Variants in ZNF609 observed in about 807,000 individuals in gnomAD.
ZNF609 encodes zinc finger protein 609.
Under a neutral mutation model 109.5 loss-of-function variants are expected in ZNF609, and 11 were observed. The observed-to-expected ratio is 0.10, with a 90% confidence interval of 0.06 to 0.17. The LOEUF is 0.17. ZNF609 is among the 10% of genes least tolerant of loss of function. ZNF609 has a pLI of 1.00. For missense variants in ZNF609, 1,559 were observed against 1,772.4 expected (o/e 0.88, Z 2.16); for synonymous variants, 646 against 662.0 (o/e 0.98, Z 0.37).
chr15:64,539,907 G>C (rs1198378805), intron 2 of ZNF609, among the ~76,000 whole-genome samples: 1 of 152,182 alleles, frequency 6.6e-6, no homozygotes, highest in Non-Finnish European at 1.5e-5. Context: ...AAAGTGCTGG[G>C]ATTACGGGCC....
intron 3 of ZNF609, among the ~76,000 whole-genome samples, chr15:64,656,156 C>A (rs1461206472): frequency 6.6e-6 from 1 of 152,064 alleles, no homozygotes; most frequent in Non-Finnish European, 1.5e-5. Context: ...CTCCGCCTCC[C>A]GTGTTCAGGC....
At chr15:64,576,891 AATATATACATATATATGT>A (rs1371981102) in intron 2 of ZNF609, among the ~76,000 whole-genome samples, 3 of 140,980 alleles carry the variant, frequency 2.1e-5, no homozygotes, top group Non-Finnish European at 3.1e-5. Context: ...TACACATATA[AATATATACATATATATGT>A]ATATATACAT....
chr15:64,677,835 T>G (rs1896828347), intron 5 of ZNF609, among the ~76,000 whole-genome samples: 1 of 152,176 alleles, frequency 6.6e-6, no homozygotes, highest in Non-Finnish European at 1.5e-5. Flanking sequence ...AGAATGCTTG[T>G]TCTTACCTAG....
In ZNF609 at chr15:64,685,609, C is replaced by G. The variant is rs1385772536; in HGVS notation, c.*3923C>G. ...ACTCTGGGACCTGTTTCCTGGAGGC[C>G]CTGGCTTGGGACACTCACCTGTGAA... On this transcript the variant is annotated 3_prime_UTR_variant, in exon 10 of 10. Coordinates refer to ENST00000326648, the MANE Select transcript of ZNF609 (RefSeq NM_015042.2). 1 of 152,868 alleles carries G rather than the reference C, an allele frequency of 6.5e-6. No homozygotes were observed. Among genetic ancestry groups the G allele is most frequent in the African/African-American group, 2.4e-5 (1 of 41,418 alleles). The allele number at this position is 152,868 out of a possible 1,614,324, so 9.5% of individuals were successfully genotyped here. A position where few individuals can be genotyped will look rare whatever the true frequency, so the allele number is the denominator to read the frequency against.
intron 3 of ZNF609, among the ~76,000 whole-genome samples, chr15:64,656,700 C>G (rs1052646738): frequency 6.6e-6 from 1 of 151,100 alleles, no homozygotes. Context: ...TTTTCTTCCT[C>G]CCTTCCTCCC....
chr15:64,647,129 C>T (rs950120574), intron 3 of ZNF609, among the ~76,000 whole-genome samples: 3 of 145,816 alleles, frequency 2.1e-5, no homozygotes, highest in Non-Finnish European at 3.0e-5. Context: ...GAGTGAGACC[C>T]TGTCTCCAAA....
At position 64,500,028 on chromosome 15, in the gene ZNF609, G is replaced by A; in HGVS notation, c.609G>A (p.Gly203=). The A allele has an allele frequency of 6.2e-7, 1 of 1,614,154 alleles. No homozygotes were observed. Among genetic ancestry groups the A allele is most frequent in the Non-Finnish European group, 8.5e-7 (1 of 1,180,038 alleles). Reference sequence around the variant, plus strand: ...GTGGTCAGTATGATGGAAGTGCAGGGGTGGATACAGGAGCTGTGGAGCCAC... The same window carrying A: ...GTGGTCAGTATGATGGAAGTGCAGGAGTGGATACAGGAGCTGTGGAGCCAC... ...GRGGQYDGSA[G]VDTGAVEPLG... Residue 203 remains glycine, a synonymous_variant, in exon 2 of 10, where the codon GGG becomes GGA. Transcript: ENST00000326648.
intron 2 of ZNF609, among the ~76,000 whole-genome samples, chr15:64,560,345 G>A (rs901499559): frequency 7.3e-5 from 11 of 151,362 alleles, no homozygotes; most frequent in Non-Finnish European, 1.2e-4. Context: ...CACACCCAGC[G>A]TCTCTCTGGT....
intron 3 of ZNF609, among the ~76,000 whole-genome samples, chr15:64,623,909 A>T (rs1190410916): frequency 6.6e-6 from 1 of 152,188 alleles, no homozygotes; most frequent in Non-Finnish European, 1.5e-5. Context: ...TCTCTGCATC[A>T]GTAAACAGAC....
At position 64,588,442 on chromosome 15, in the gene ZNF609, A is replaced by AAAAG. The variant is rs71133451; in HGVS notation, c.748-34383_748-34382insAGAA. 6.9e-4 allele frequency among the ~76,000 whole-genome samples: 52 copies of AAAAG among 75,282 alleles called. 5 individuals carry two copies. The highest frequency in any genetic ancestry group is 0.033 in the Middle Eastern group (2 of 60). 49.4% of individuals were successfully genotyped at this position (75,282 alleles called of 152,430 possible). ...CACTCTGTCTAAAAAAAAAAAAAAA[A>AAAAG]AAGAAGAGGAAGACTGTACAGACTA... On this transcript the variant is annotated intron_variant, in intron 2 of 9. Transcript: ENST00000326648.
intron 2 of ZNF609, chr15:64,593,114 G>C: frequency 1.3e-6 from 2 of 1,592,944 alleles, no homozygotes; most frequent in Non-Finnish European, 1.7e-6. Context: ...AAACATAGTG[G>C]AGTCCGCAGC....
At chr15:64,602,535 T>G (rs1255483311) in intron 2 of ZNF609, among the ~76,000 whole-genome samples, 3 of 152,084 alleles carry the variant, frequency 2.0e-5, no homozygotes, top group Non-Finnish European at 4.4e-5. Context: ...TTATGATGAT[T>G]ATTATTTTCA....
At chr15:64,629,261 C>A (rs996414803) in intron 3 of ZNF609, among the ~76,000 whole-genome samples, 2 of 152,168 alleles carry the variant, frequency 1.3e-5, no homozygotes, top group African/African-American at 4.8e-5. Context: ...GTGCCCTGCT[C>A]CCTTTCCCAC....
Position 64,467,284 on chromosome 15 carries a change from C to G in ZNF609, c.-128+6446C>G, listed in dbSNP as rs1468640805. ...TGTTCTCTGGTCATTAGTGTCTGGC[C>G]AACTTCTTTGGGGTTTTTTTCTTTT... On this transcript the variant is annotated intron_variant, in intron 1 of 9. Coordinates refer to ENST00000326648, the MANE Select transcript of ZNF609 (RefSeq NM_015042.2). Among the ~76,000 whole-genome samples, 12 of 152,294 alleles carry G rather than the reference C, an allele frequency of 7.9e-5. No individual in the cohort carries two copies. The East Asian group carries it at 1.5e-3, about 20-fold the overall frequency.
At chr15:64,463,870 T>C (rs1421375270) in intron 1 of ZNF609, among the ~76,000 whole-genome samples, 1 of 152,260 alleles carries the variant, frequency 6.6e-6, no homozygotes, top group East Asian at 1.9e-4. Context: ...TCTTGGGCTC[T>C]TGGCATTTAT....
At position 64,674,265 on chromosome 15, in the gene ZNF609, G is replaced by A; in HGVS notation, c.1411G>A (p.Ala471Thr). The change falls in exon 5 of 10, where the codon GCC becomes ACC. Residue 471 changes from alanine to threonine, a missense_variant. Physicochemically the swap from Ala to Thr is moderately conservative, Grantham distance 58. Around this residue, in one of 4 missense-constraint regions of ZNF609, gnomAD observed 1,204 missense variants for 1,314.1 expected, o/e 0.92. Transcript: ENST00000326648. Reference protein sequence around the residue: ...KRVRTNSMGSATGPLPGTKVE... With the variant: ...KRVRTNSMGSTTGPLPGTKVE... ...TGTCCGTACTAATTCCATGGGCTCA[G>A]CCACTGGCCCCCTTCCTGGGACAAA... 1 of 1,614,190 alleles carries A rather than the reference G, an allele frequency of 6.2e-7. No individual in the cohort carries two copies.
chr15:64,460,680 G>C lies in ZNF609; in HGVS notation c.-286G>C, dbSNP rs1459952976. The C allele has an allele frequency of 6.5e-6, 1 of 153,758 alleles. No homozygotes were observed. Among genetic ancestry groups the C allele is most frequent in the African/African-American group, 2.5e-5 (1 of 39,656 alleles). The allele number at this position is 153,758 out of a possible 1,614,324, so 9.5% of individuals were successfully genotyped here. On this transcript the variant is annotated 5_prime_UTR_variant, in exon 1 of 10. Coordinates refer to ENST00000326648, the MANE Select transcript of ZNF609 (RefSeq NM_015042.2). ...GGGCGGGGCGGAGAGGCGCGGGGAG[G>C]GGGCAGAGAGCCAGAGCCGGAGCCG...
Position 64,538,673 on chromosome 15 carries a change from A to G in ZNF609, c.747+38507A>G, listed in dbSNP as rs956523046. ...GCGATTCTCTTGCCTCAGCCTCCTGAGTAGCTGGGATTACAGGCATGCACA... is the reference window on the plus strand; with the variant it reads ...GCGATTCTCTTGCCTCAGCCTCCTGGGTAGCTGGGATTACAGGCATGCACA... On this transcript the variant is annotated intron_variant, in intron 2 of 9. Transcript: ENST00000326648. Among the ~76,000 whole-genome samples, 42 of 151,912 alleles carry G rather than the reference A, an allele frequency of 2.8e-4. 1 individual carries two copies. Among genetic ancestry groups the G allele is most frequent in the African/African-American group, 1.0e-3 (42 of 41,426 alleles).
At chr15:64,597,442 T>C (rs2140944253) in intron 2 of ZNF609, among the ~76,000 whole-genome samples, 1 of 152,304 alleles carries the variant, frequency 6.6e-6, no homozygotes, top group East Asian at 1.9e-4. Flanking sequence ...AAGATGGGTA[T>C]TGTTTAGCTG....
Sources: gnomAD v4.1 joint callset for allele counts (sites outside exome capture counted in the v4.1 genomes callset) on GRCh38, gnomAD v4.1.1 for gene constraint, gnomAD v4.1.1 regional missense constraint, MANE v1.5 for transcripts, NCBI Gene and HGNC (gene_info 2026-07-23, HGNC 2026-07-21) for gene names.